The following MARK3 variants were observed in gnomAD, a reference collection of about 807,000 sequenced individuals.
MARK3 encodes the protein MAP/microtubule affinity-regulating kinase 3.
Under a neutral mutation model 90.1 loss-of-function variants are expected in MARK3, and 46 were observed. The ratio of observed to expected loss-of-function variants is 0.51; its 90% confidence interval spans 0.40 to 0.65. The LOEUF is 0.65. MARK3 is among the 30% of genes least tolerant of loss of function. The probability of loss-of-function intolerance (pLI) is 0.00; values close to 1 mark genes in which losing one functional copy is unlikely to be tolerated. For missense variants in MARK3, 818 were observed against 947.2 expected (o/e 0.86, Z 1.79); for synonymous variants, 321 against 332.6 (o/e 0.97, Z 0.38).
chr14:103,434,307 A>G (rs2092663978), intron 3 of MARK3, among the ~76,000 whole-genome samples: 1 of 152,206 alleles, frequency 6.6e-6, no homozygotes, highest in African/African-American at 2.4e-5. Flanking sequence ...GAGAAGTGTC[A>G]TGAACTGCAC....
At chr14:103,495,663 A>T (rs186535225) in intron 15 of MARK3, among the ~76,000 whole-genome samples, 3 of 152,332 alleles carry the variant, frequency 2.0e-5, no homozygotes, top group Non-Finnish European at 2.9e-5. Context: ...CTAAGTGGTC[A>T]TCTTGTTTAC....
In MARK3 at chr14:103,450,921, C is replaced by CT. The variant is rs869030067; in HGVS notation, c.347-970dup. Among the ~76,000 whole-genome samples the CT allele has an allele frequency of 3.5e-3, 183 of 52,640 alleles. 29 individuals carry two copies. The highest frequency in any genetic ancestry group is 6.5e-3 in the East Asian group (10 of 1,534). 34.5% of individuals were successfully genotyped at this position (52,640 alleles called of 152,430 possible). A position where few individuals can be genotyped will look rare whatever the true frequency, so the allele number is the denominator to read the frequency against. On this transcript the variant is annotated intron_variant, in intron 4 of 17. Coordinates refer to ENST00000429436, the MANE Select transcript of MARK3 (RefSeq NM_001128918.3). ...GTGTGTGTGTGTGTGTGTGTGTATT[C>CT]TTTTTTTTTTTTTTTTTTTTTTTTT...
chr14:103,407,045 G>A (rs1031181580), intron 2 of MARK3, among the ~76,000 whole-genome samples: 1 of 151,836 alleles, frequency 6.6e-6, no homozygotes, highest in Admixed American at 6.6e-5. Flanking sequence ...GTGTTAGCCA[G>A]GATGGTCTCG....
At chr14:103,458,630 T>C (rs1035315152) in intron 6 of MARK3, 1 of 553,008 alleles carries the variant, frequency 1.8e-6, no homozygotes, top group African/African-American at 1.9e-5. Context: ...TTCACTGCTT[T>C]TAAATTAATT....
At chr14:103,435,104 A>C (rs1012798431) in intron 3 of MARK3, among the ~76,000 whole-genome samples, 2 of 152,220 alleles carry the variant, frequency 1.3e-5, no homozygotes, top group Non-Finnish European at 2.9e-5. Flanking sequence ...GAACCAGTTC[A>C]TGCTTTTCAT....
intron 14 of MARK3, among the ~76,000 whole-genome samples, chr14:103,482,708 T>C (rs2141891194): frequency 6.6e-6 from 1 of 152,308 alleles, no homozygotes; most frequent in Non-Finnish European, 1.5e-5. Flanking sequence ...GGCACATGCA[T>C]ATATGCCTGT....
At chr14:103,428,994 T>A (rs2092497547) in intron 3 of MARK3, among the ~76,000 whole-genome samples, 1 of 152,234 alleles carries the variant, frequency 6.6e-6, no homozygotes, top group Non-Finnish European at 1.5e-5. Flanking sequence ...GTCTTTGCCC[T>A]AGTGCCTTTT....
At chr14:103,477,743 T>C (rs2093739658) in intron 13 of MARK3, among the ~76,000 whole-genome samples, 1 of 151,964 alleles carries the variant, frequency 6.6e-6, no homozygotes, top group Non-Finnish European at 1.5e-5. Context: ...CTCAGCGCTT[T>C]GGGAGGCTGA....
intron 3 of MARK3, among the ~76,000 whole-genome samples, chr14:103,444,651 C>T (rs973947369): frequency 6.6e-6 from 1 of 152,080 alleles, no homozygotes; most frequent in Non-Finnish European, 1.5e-5. Flanking sequence ...ATGGCGGGCA[C>T]CTGTAGTCCC....
In MARK3 at chr14:103,475,023, A is replaced by G. The variant is rs1332082660; in HGVS notation, c.1295A>G (p.Tyr432Cys). The stretch of plus-strand genomic sequence containing the variant: ...CCAGCTATTCCTTCTGTTGTGGCGT[A>G]TCCGAAAAGGAGTCAGACCAGCACT... ...AGPAIPSVVA[Y>C]PKRSQTSTAD... The change falls in exon 13 of 18, where the codon TAT (tyrosine) becomes TGT (cysteine). Residue 432 changes from tyrosine (Y) to cysteine (C), a missense_variant. Tyr to Cys is a radical substitution (Grantham distance 194, BLOSUM62 -2). Coordinates refer to ENST00000429436, the MANE Select transcript of MARK3 (RefSeq NM_001128918.3). The G allele has an allele frequency of 1.9e-6, 3 of 1,614,096 alleles. No homozygotes were observed. Among genetic ancestry groups the G allele is most frequent in the Non-Finnish European group, 2.5e-6 (3 of 1,179,924 alleles).
At chr14:103,442,955 C>T (rs2092899121) in intron 3 of MARK3, among the ~76,000 whole-genome samples, 1 of 150,940 alleles carries the variant, frequency 6.6e-6, no homozygotes, top group Non-Finnish European at 1.5e-5. Context: ...CCCCCCCTCC[C>T]ACCGACAAGG....
chr14:103,393,212 C>A (rs577020807), intron 1 of MARK3, among the ~76,000 whole-genome samples: 4 of 152,234 alleles, frequency 2.6e-5, no homozygotes, highest in South Asian at 2.1e-4. Context: ...GAACTCCTGA[C>A]CTCATGATCC....
chr14:103,466,512 T>C (rs1183811573), intron 10 of MARK3, 70 bp downstream of exon 10: 3 of 969,238 alleles, frequency 3.1e-6, no homozygotes, highest in Non-Finnish European at 4.8e-6. Context: ...GACTCATGTC[T>C]GTGCCTAAAA....
intron 6 of MARK3, chr14:103,458,662 A>G (rs558690465): frequency 1.0e-4 from 66 of 633,948 alleles, no homozygotes; most frequent in Non-Finnish European, 1.7e-4. Flanking sequence ...CAAGGCCTAC[A>G]TTGAAATGGA....
At chr14:103,395,017 T>G (rs2090491149) in intron 1 of MARK3, among the ~76,000 whole-genome samples, 2 of 152,110 alleles carry the variant, frequency 1.3e-5, no homozygotes, top group Admixed American at 1.3e-4. Flanking sequence ...TGACCTCAAG[T>G]GATCCACCTG....
rs147633528 is a variant in MARK3, at chr14:103,385,937, C to T, written c.-93C>T. ...CCCTCCCCACGGCGCCTTTTCGGAA[C>T]TGCCGTGGACTCGAGGACGCTGGTC... On this transcript the variant is annotated 5_prime_UTR_variant, in exon 1 of 18. Transcript: ENST00000429436. 228 of 1,043,594 alleles carry T rather than the reference C, an allele frequency of 2.2e-4. 2 individuals are homozygous for T. In the East Asian group the frequency reaches 5.0e-3, roughly 23 times the overall value. 64.6% of individuals were successfully genotyped at this position (1,043,594 alleles called of 1,614,324 possible).
intron 11 of MARK3, chr14:103,467,790 A>G (rs2093543043): frequency 5.8e-6 from 2 of 345,970 alleles, no homozygotes; most frequent in Non-Finnish European, 1.0e-5. Context: ...AAGTAAATAC[A>G]ACATTTAAAG....
chr14:103,430,041 C>G (rs186812863), intron 3 of MARK3, among the ~76,000 whole-genome samples: 5 of 151,854 alleles, frequency 3.3e-5, no homozygotes, highest in African/African-American at 1.2e-4. Flanking sequence ...TATTATTTGT[C>G]ACATCATTAT....
chr14:103,469,604 C>G (rs2093586801), intron 12 of MARK3, among the ~76,000 whole-genome samples: 1 of 151,996 alleles, frequency 6.6e-6, no homozygotes, highest in African/African-American at 2.4e-5. Flanking sequence ...TAGGCACACA[C>G]CACCACACCT....
Sources: allele counts gnomAD v4.1 joint callset (sites outside exome capture counted in the v4.1 genomes callset), GRCh38; gene constraint gnomAD v4.1.1; transcripts MANE v1.5; gene names NCBI Gene and HGNC (gene_info 2026-07-23, HGNC 2026-07-21).